Variants in PDZRN3 observed in about 807,000 individuals in gnomAD.
PDZRN3 encodes PDZ domain containing ring finger 3.
A neutral mutation model predicts 85.7 loss-of-function variants in PDZRN3; 38 were observed. The ratio of observed to expected loss-of-function variants is 0.44; its 90% CI spans 0.34 to 0.58. The LOEUF (loss-of-function observed/expected upper bound fraction) is 0.58, where lower values mean the gene tolerates loss of function less well. Ranked by LOEUF, PDZRN3 falls within the 20% of genes least tolerant of loss-of-function variation. The probability of loss-of-function intolerance (pLI) is 0.01; values close to 1 mark genes in which losing one functional copy is unlikely to be tolerated. For missense variants in PDZRN3, 1,629 were observed against 1,506.4 expected, an observed-to-expected ratio of 1.08 and a Z score of -1.35; for synonymous variants, 759 against 638.0, an observed-to-expected ratio of 1.19 and a Z score of -2.86.
At chr3:73,559,806 C>T (rs1559738152) in intron 3 of PDZRN3, among the ~76,000 whole-genome samples, 1 of 152,182 alleles carries the variant, frequency 6.6e-6, no homozygotes, top group African/African-American at 2.4e-5. Flanking sequence ...AATATAGTTT[C>T]AATGTGTGTG....
At chr3:73,599,341 G>T (rs924701877) in intron 3 of PDZRN3, among the ~76,000 whole-genome samples, 2 of 152,202 alleles carry the variant, frequency 1.3e-5, no homozygotes, top group Non-Finnish European at 2.9e-5. Flanking sequence ...AAATAAGCCA[G>T]TCACAAAAGG....
intron 3 of PDZRN3, among the ~76,000 whole-genome samples, chr3:73,562,445 T>C (rs951650676): frequency 1.3e-5 from 2 of 152,152 alleles, no homozygotes; most frequent in African/African-American, 2.4e-5. Flanking sequence ...GGTTTCCAGA[T>C]TCCCTTTAAA....
At chr3:73,582,636 G>A (rs1288602723) in intron 3 of PDZRN3, among the ~76,000 whole-genome samples, 1 of 152,084 alleles carries the variant, frequency 6.6e-6, no homozygotes. Flanking sequence ...CACTGGCATG[G>A]GATCTGGCTG....
At chr3:73,502,513 T>C (rs989734023) in intron 3 of PDZRN3, among the ~76,000 whole-genome samples, 4 of 152,224 alleles carry the variant, frequency 2.6e-5, no homozygotes, top group Non-Finnish European at 4.4e-5. Context: ...TGATTCTATT[T>C]AACATTTATC....
At chr3:73,389,938 C>A in intron 6 of PDZRN3, 60 bp from the exon 7 acceptor site, 1 of 1,220,558 alleles carries the variant, frequency 8.2e-7, no homozygotes, top group Admixed American at 1.7e-5. Context: ...TAAGCAACAG[C>A]ACTTTCAAAA....
At chr3:73,425,037 C>T (rs559566192) in intron 3 of PDZRN3, among the ~76,000 whole-genome samples, 74 of 146,074 alleles carry the variant, frequency 5.1e-4, no homozygotes, top group African/African-American at 1.6e-3. Context: ...TTTTTTGAGA[C>T]GGAGTCTCGC....
chr3:73,400,611 T>C (rs1336201531), intron 5 of PDZRN3, among the ~76,000 whole-genome samples: 2 of 152,162 alleles, frequency 1.3e-5, no homozygotes, highest in Non-Finnish European at 2.9e-5. Flanking sequence ...TGAGGAGGCT[T>C]ATGTTAGTTA....
intron 3 of PDZRN3, chr3:73,433,608 C>G (rs1476451762): frequency 7.0e-7 from 1 of 1,431,932 alleles, no homozygotes; most frequent in Non-Finnish European, 9.5e-7. Flanking sequence ...GGTGCCTATG[C>G]ACTTCTATGG....
At chr3:73,547,277 T>C (rs1701448879) in intron 3 of PDZRN3, among the ~76,000 whole-genome samples, 1 of 152,228 alleles carries the variant, frequency 6.6e-6, no homozygotes, top group South Asian at 2.1e-4. Flanking sequence ...AGTAGATAGT[T>C]GTTTTCTTTA....
Position 73,404,377 on chromosome 3 carries a change from A to C in PDZRN3, c.937T>G (p.Ser313Ala), listed in dbSNP as rs200834803. Residue 313 changes from serine to alanine, a missense_variant, in exon 4 of 10, where the codon TCC (serine) becomes GCC (alanine). Transcript: ENST00000263666. ...RIIEVNGRDL[S>A]RATHDQAVEA... ...ACAGCCTGGTCATGAGTTGCTCTGG[A>C]TAAGTCTCTGCCGTTGACCTGTGGA... 6.2e-6 allele frequency: 10 copies of C among 1,613,952 alleles called. No individual in the cohort carries two copies. The East Asian group carries it at 2.2e-4, about 36-fold the overall frequency.
In PDZRN3 at chr3:73,388,390, G is replaced by T. The variant is rs186783576; in HGVS notation, c.1417-321C>A. On this transcript the variant is annotated intron_variant, in intron 7 of 9. Coordinates refer to ENST00000263666, the MANE Select transcript of PDZRN3 (RefSeq NM_015009.3). Reference sequence around the variant, plus strand: ...TCATAATGCTCTGCAGAGGGAACATGGAAGCAATTAGACATAATATTCAGG... The same window carrying T: ...TCATAATGCTCTGCAGAGGGAACATTGAAGCAATTAGACATAATATTCAGG... 1.6e-3 allele frequency among the ~76,000 whole-genome samples: 236 copies of T among 152,194 alleles called. 1 individual carries two copies. The highest frequency in any genetic ancestry group is 5.4e-3 in the African/African-American group (223 of 41,508).
chr3:73,574,375 G>T (rs1702087293), intron 3 of PDZRN3, among the ~76,000 whole-genome samples: 1 of 140,572 alleles, frequency 7.1e-6, no homozygotes, highest in African/African-American at 2.6e-5. Flanking sequence ...ATCCTTCTTA[G>T]CCACTCCCCT....
intron 3 of PDZRN3, among the ~76,000 whole-genome samples, chr3:73,517,308 A>T (rs1559718369): frequency 6.6e-6 from 1 of 152,194 alleles, no homozygotes; most frequent in Non-Finnish European, 1.5e-5. Flanking sequence ...GTTTCTTTTA[A>T]ATTTATAATC....
At chr3:73,524,744 G>C (rs1413204069) in intron 3 of PDZRN3, among the ~76,000 whole-genome samples, 13 of 152,064 alleles carry the variant, frequency 8.5e-5, no homozygotes, top group Non-Finnish European at 2.9e-5. Context: ...TAAAGGAGTA[G>C]CAAAGGTTAG....
chr3:73,533,878 T>C (rs1342025404), intron 3 of PDZRN3, among the ~76,000 whole-genome samples: 3 of 152,156 alleles, frequency 2.0e-5, no homozygotes, highest in Middle Eastern at 3.2e-3. Flanking sequence ...GACCACCCTA[T>C]ACCAAATAGC....
intron 3 of PDZRN3, among the ~76,000 whole-genome samples, chr3:73,472,296 C>T (rs1703360143): frequency 6.6e-6 from 1 of 152,162 alleles, no homozygotes; most frequent in Admixed American, 6.5e-5. Context: ...AGCCTGAGGC[C>T]GAGAGTAGAC....
chr3:73,445,740 C>G (rs78662032), intron 3 of PDZRN3, among the ~76,000 whole-genome samples: 11,931 of 152,166 alleles, frequency 0.078, 747 homozygotes, highest in African/African-American at 0.17. Flanking sequence ...TGTACTTAAT[C>G]CTTAAAACTG....
At chr3:73,428,804 A>T (rs967371614) in intron 3 of PDZRN3, among the ~76,000 whole-genome samples, 5 of 152,160 alleles carry the variant, frequency 3.3e-5, no homozygotes, top group Non-Finnish European at 5.9e-5. Context: ...AATAACGGCC[A>T]TGTATTAAAA....
At chr3:73,511,269 A>G (rs902029703) in intron 3 of PDZRN3, among the ~76,000 whole-genome samples, 56 of 152,184 alleles carry the variant, frequency 3.7e-4, no homozygotes, top group African/African-American at 1.3e-3. Flanking sequence ...AGTCTACTGA[A>G]GAAGGCTCCC....
Sources: allele counts gnomAD v4.1 joint callset (sites outside exome capture counted in the v4.1 genomes callset), GRCh38; gene constraint gnomAD v4.1.1; transcripts MANE v1.5; gene names NCBI Gene and HGNC (gene_info 2026-07-23, HGNC 2026-07-21).